Variants in ARSB observed in about 807,000 individuals in gnomAD.
ARSB encodes the protein arylsulfatase B, also known as N-acetylgalactosamine-4-sulfatase.
A neutral mutation model predicts 50.9 loss-of-function variants in ARSB; 41 were observed. That is an observed-to-expected ratio of 0.81 (90% CI 0.63 to 1.04). The LOEUF is 1.04. Among genes scored for constraint, ARSB ranks in the 50% least tolerant of loss-of-function variants. The probability of loss-of-function intolerance (pLI) is 0.00; values close to 1 mark genes in which losing one functional copy is unlikely to be tolerated. For missense variants in ARSB, 672 were observed against 693.3 expected (o/e 0.97, Z 0.35); for synonymous variants, 269 against 284.8 (o/e 0.94, Z 0.56).
chr5:78,837,480 T>G (rs767672421), intron 6 of ARSB, among the ~76,000 whole-genome samples: 3 of 152,142 alleles, frequency 2.0e-5, no homozygotes, highest in Non-Finnish European at 4.4e-5. Flanking sequence ...TGTGATCAGC[T>G]CAGCTGATCA....
At chr5:78,969,325 G>A (rs1433433899) in intron 1 of ARSB, 133 bp from the exon 2 acceptor site, 1 of 939,738 alleles carries the variant, frequency 1.1e-6, no homozygotes, top group Non-Finnish European at 1.6e-6. Context: ...ACTGGCTTGA[G>A]GATATTTCTG....
At chr5:78,936,028 C>T (rs1350023762) in intron 4 of ARSB, among the ~76,000 whole-genome samples, 3 of 115,380 alleles carry the variant, frequency 2.6e-5, no homozygotes, top group African/African-American at 1.1e-4. Context: ...TCTGTCTCTC[C>T]CCCCCCACCT....
At chr5:78,927,678 A>G (rs1174787219) in intron 4 of ARSB, among the ~76,000 whole-genome samples, 1 of 152,184 alleles carries the variant, frequency 6.6e-6, no homozygotes, top group African/African-American at 2.4e-5. Flanking sequence ...ATGCCACACT[A>G]GCTTGGAGAG....
At chr5:78,907,223 G>A (rs79518152) in intron 4 of ARSB, among the ~76,000 whole-genome samples, 4,279 of 152,256 alleles carry the variant, frequency 0.028, 170 homozygotes, top group African/African-American at 0.094. Context: ...GGGATGGGGC[G>A]GGGTGATTAT....
chr5:78,977,816 A>T (rs757636799), intron 1 of ARSB, among the ~76,000 whole-genome samples: 1 of 152,200 alleles, frequency 6.6e-6, no homozygotes, highest in African/African-American at 2.4e-5. Context: ...AACTCTAAAG[A>T]TTATACACAC....
At chr5:78,958,040 C>T (rs186104190) in intron 3 of ARSB, among the ~76,000 whole-genome samples, 84 of 152,060 alleles carry the variant, frequency 5.5e-4, no homozygotes, top group Non-Finnish European at 9.0e-4. Flanking sequence ...GAATTTCTGA[C>T]TACTCTTTGT....
At chr5:78,932,138 A>T (rs972419476) in intron 4 of ARSB, among the ~76,000 whole-genome samples, 15 of 152,232 alleles carry the variant, frequency 9.9e-5, no homozygotes, top group African/African-American at 3.6e-4. Context: ...AAAAAGGCAT[A>T]CTTCAGCCAA....
At position 78,781,906 on chromosome 5, in the gene ARSB, A is replaced by G. The variant is rs770690800; in HGVS notation, c.1282T>C (p.Ser428Pro). The G allele has an allele frequency of 6.2e-7, 1 of 1,614,102 alleles. No individual in the cohort carries two copies. The highest frequency in any genetic ancestry group is 8.5e-7 in the Non-Finnish European group (1 of 1,179,982). The stretch of plus-strand genomic sequence containing the variant: ...CCATGTCTAATTGCAGCATGGACAG[A>G]TGTGTTAAAGGCTGAATATTCTGGA... The part of the protein sequence containing the change: ...SLPEYSAFNT[S>P]VHAAIRHGNW... The change falls in exon 7 of 8, where the codon TCT (serine) becomes CCT (proline). Residue 428 changes from serine (S) to proline (P), a missense_variant. Transcript: ENST00000264914.
intron 6 of ARSB, among the ~76,000 whole-genome samples, chr5:78,834,082 G>C (rs1426076975): frequency 6.6e-6 from 1 of 152,116 alleles, no homozygotes; most frequent in African/African-American, 2.4e-5. Flanking sequence ...TTCATTAGCA[G>C]ATATTTACTG....
At chr5:78,823,991 G>A (rs959900370) in intron 6 of ARSB, among the ~76,000 whole-genome samples, 3 of 152,214 alleles carry the variant, frequency 2.0e-5, no homozygotes, top group African/African-American at 7.2e-5. Context: ...GGCCATAGGG[G>A]CAGATCTCTC....
chr5:78,851,289 C>T (rs1212716640), intron 5 of ARSB, among the ~76,000 whole-genome samples: 1 of 152,182 alleles, frequency 6.6e-6, no homozygotes, highest in African/African-American at 2.4e-5. Context: ...CAAAGAACAT[C>T]TTTACTTCTG....
chr5:78,864,881 T>C (rs1003189985), intron 5 of ARSB, among the ~76,000 whole-genome samples: 2 of 152,182 alleles, frequency 1.3e-5, no homozygotes, highest in Non-Finnish European at 2.9e-5. Flanking sequence ...GCTCCAGAAA[T>C]GATCTCAAAC....
At chr5:78,924,281 G>A (rs1192793304) in intron 4 of ARSB, among the ~76,000 whole-genome samples, 7 of 152,326 alleles carry the variant, frequency 4.6e-5, no homozygotes, top group African/African-American at 1.7e-4. Context: ...CAGATGCTCA[G>A]AAAAGTAATT....
At chr5:78,896,866 T>G in intron 4 of ARSB, among the ~76,000 whole-genome samples, 1 of 152,162 alleles carries the variant, frequency 6.6e-6, no homozygotes, top group East Asian at 1.9e-4. Flanking sequence ...TGTAACTATA[T>G]GTCTAATTAA....
intron 3 of ARSB, among the ~76,000 whole-genome samples, chr5:78,962,687 C>T (rs3822574): frequency 0.18 from 26,749 of 151,900 alleles, 2,407 homozygotes; most frequent in Middle Eastern, 0.23. Context: ...CCACTGCACC[C>T]GGCTAATTTT....
At chr5:78,871,511 G>A (rs1420714015) in intron 5 of ARSB, among the ~76,000 whole-genome samples, 4 of 150,464 alleles carry the variant, frequency 2.7e-5, no homozygotes, top group East Asian at 1.9e-4. Flanking sequence ...AAATAACGCC[G>A]CTTACCTACA....
At chr5:78,851,968 T>C (rs1315556402) in intron 5 of ARSB, among the ~76,000 whole-genome samples, 1 of 152,190 alleles carries the variant, frequency 6.6e-6, no homozygotes, top group Non-Finnish European at 1.5e-5. Flanking sequence ...GCACATGAGA[T>C]GGGTTTCCTG....
At chr5:78,894,731 T>C (rs1748485273) in intron 4 of ARSB, among the ~76,000 whole-genome samples, 1 of 152,194 alleles carries the variant, frequency 6.6e-6, no homozygotes, top group African/African-American at 2.4e-5. Context: ...TAATCAATAA[T>C]AACAAGAACC....
chr5:78,895,162 AATAT>A (rs1748509592), intron 4 of ARSB, among the ~76,000 whole-genome samples: 1 of 152,240 alleles, frequency 6.6e-6, no homozygotes, highest in African/African-American at 2.4e-5. Flanking sequence ...CAATTCTAGC[AATAT>A]GTGCGGTGTC....
Sources: gnomAD v4.1 joint callset for allele counts (sites outside exome capture counted in the v4.1 genomes callset) on GRCh38, gnomAD v4.1.1 for gene constraint, MANE v1.5 for transcripts, NCBI Gene and HGNC (gene_info 2026-07-23, HGNC 2026-07-21) for gene names.